Variants in PXT1 observed in about 807,000 individuals in gnomAD.
PXT1 encodes the protein peroxisomal testis enriched protein 1, also known as peroxisomal testis-specific protein 1.
In PXT1, 11 loss-of-function variants were observed where a neutral mutation model predicts 11.0. The observed-to-expected ratio is 1.00, with a 90% CI of 0.63 to 1.66. The LOEUF is 1.66. PXT1 is among the 40% of genes most tolerant of loss of function. The pLI, the probability that PXT1 is intolerant of heterozygous loss-of-function variation, is 0.00. For missense variants in PXT1, 141 were observed against 155.5 expected (o/e 0.91, Z 0.49); for synonymous variants, 43 against 51.4 (o/e 0.84, Z 0.70).
intron 2 of PXT1, among the ~76,000 whole-genome samples, chr6:36,429,918 G>T (rs1328604783): frequency 6.6e-6 from 1 of 151,748 alleles, no homozygotes; most frequent in Non-Finnish European, 1.5e-5. Context: ...AAAGCTTTTG[G>T]CCAGGCACAG....
intron 3 of PXT1, among the ~76,000 whole-genome samples, chr6:36,410,576 A>C (rs1397144834): frequency 6.6e-6 from 1 of 151,946 alleles, no homozygotes; most frequent in Non-Finnish European, 1.5e-5. Flanking sequence ...AGAAGAAAGG[A>C]AGAAATAAAA....
intron 4 of PXT1, among the ~76,000 whole-genome samples, chr6:36,394,714 T>C: frequency 1.2e-5 from 1 of 81,006 alleles, no homozygotes. Context: ...AAAAAGCATA[T>C]GTCCCGGGTT....
rs968609299 is a variant in PXT1 at position 36,421,174 on chromosome 6, CA to C, written c.169+4739del. 1.7e-4 allele frequency among the ~76,000 whole-genome samples: 25 copies of C among 150,158 alleles called. No individual in the cohort carries two copies. In the East Asian group the frequency reaches 3.3e-3, roughly 20 times the overall value. ...AATTAAAAAACAACAACAACAACGA[CA>C]AAAAAAAACCAAGGCCAGGTGTGGC... On this transcript the variant is annotated intron_variant, in intron 3 of 4. Transcript: ENST00000454782.
chr6:36,403,695 C>G (rs986500464), intron 3 of PXT1, among the ~76,000 whole-genome samples: 6 of 152,100 alleles, frequency 3.9e-5, no homozygotes, highest in Non-Finnish European at 8.8e-5. Context: ...TGGCAGAACC[C>G]CATCTCTACC....
chr6:36,398,572 A>T lies in PXT1; in HGVS notation c.300+1882T>A, dbSNP rs115195858. On this transcript the variant is annotated intron_variant, in intron 4 of 4. Coordinates refer to ENST00000454782, the MANE Select transcript of PXT1 (RefSeq NM_152990.4). ...AAGTAAAATACTGATACATGCTACAATGTGGATAAGCCTTGAAAAAAGTAT... is the reference window on the plus strand; with the variant it reads ...AAGTAAAATACTGATACATGCTACATTGTGGATAAGCCTTGAAAAAAGTAT... Among the ~76,000 whole-genome samples the T allele has an allele frequency of 8.3e-3, 1,259 of 152,324 alleles. 8 individuals are homozygous for T. Among genetic ancestry groups the T allele is most frequent in the Non-Finnish European group, 0.012 (812 of 68,016 alleles).
chr6:36,395,493 A>ATTTT lies in PXT1; in HGVS notation c.301-3623_301-3620dup, dbSNP rs148553371. Among the ~76,000 whole-genome samples, 249 of 73,348 alleles carry ATTTT rather than the reference A, an allele frequency of 3.4e-3. 28 individuals are homozygous for ATTTT. The East Asian group carries it at 0.049, about 14-fold the overall frequency. 48.1% of individuals were successfully genotyped at this position (73,348 alleles called of 152,430 possible). A position where few individuals can be genotyped will look rare whatever the true frequency, so the allele number is the denominator to read the frequency against. ...TCAGCATTTCAGAGCCAAACTTAGGATTTTTTTTTTTTTTTTTTTTTTTTT... is the reference window on the plus strand; with the variant it reads ...TCAGCATTTCAGAGCCAAACTTAGGATTTTTTTTTTTTTTTTTTTTTTTTTTTTT... On this transcript the variant is annotated intron_variant, in intron 4 of 4. Transcript: ENST00000454782.
intron 4 of PXT1, among the ~76,000 whole-genome samples, chr6:36,398,621 A>G (rs1172302338): frequency 6.6e-6 from 1 of 152,254 alleles, no homozygotes; most frequent in Non-Finnish European, 1.5e-5. Context: ...AGCCATACAC[A>G]AAGTTCCATG....
At chr6:36,425,209 G>C (rs918517061) in intron 3 of PXT1, among the ~76,000 whole-genome samples, 2 of 152,116 alleles carry the variant, frequency 1.3e-5, no homozygotes, top group Admixed American at 6.5e-5. Flanking sequence ...TTTCCTTCAT[G>C]TTCTCTCCTC....
Position 36,400,601 on chromosome 6 carries a change from G to T in PXT1, c.170-17C>A. ...GATTATGATCTGCATTGAGAAAAAA[G>T]AGTTCAAAAGAGATAATCCCACTTA... On this transcript the variant is annotated splice_polypyrimidine_tract_variant and intron_variant, in intron 3 of 4. Coordinates refer to ENST00000454782, the MANE Select transcript of PXT1 (RefSeq NM_152990.4). The T allele has an allele frequency of 6.2e-7, 1 of 1,605,760 alleles. No individual in the cohort carries two copies. Among genetic ancestry groups the T allele is most frequent in the Non-Finnish European group, 8.5e-7 (1 of 1,177,048 alleles).
chr6:36,439,667 T>TAAGC (rs1554156903), intron 1 of PXT1, among the ~76,000 whole-genome samples: 3 of 129,642 alleles, frequency 2.3e-5, no homozygotes, highest in Non-Finnish European at 4.9e-5. Flanking sequence ...AAAAAACAAC[T>TAAGC]AAGCATTCTC....
intron 3 of PXT1, among the ~76,000 whole-genome samples, chr6:36,407,164 A>G (rs1030519882): frequency 3.3e-5 from 5 of 152,202 alleles, no homozygotes; most frequent in Non-Finnish European, 5.9e-5. Flanking sequence ...CAAAAGTTCA[A>G]TGTAAAACAG....
chr6:36,420,227 T>C (rs1216412086), intron 3 of PXT1, among the ~76,000 whole-genome samples: 2 of 152,164 alleles, frequency 1.3e-5, no homozygotes, highest in African/African-American at 4.8e-5. Context: ...ATGTTTAAGG[T>C]TATCTGTTGC....
rs1582282419 is a variant in PXT1, at chr6:36,442,679, C to T, written c.-274G>A. 1 of 152,224 alleles carries T rather than the reference C, an allele frequency of 6.6e-6. No homozygotes were observed. Among genetic ancestry groups the T allele is most frequent in the Admixed American group, 6.5e-5 (1 of 15,282 alleles). The allele number at this position is 152,224 out of a possible 1,614,324, so 9.4% of individuals were successfully genotyped here. ...CTACGCTACCTCCAACCTCGCTCCA[C>T]GCATGGGGAGATCAGGGTTCCACAT... On this transcript the variant is annotated 5_prime_UTR_variant, in exon 1 of 5. The change creates a new upstream start codon in the 5' untranslated region. Coordinates refer to ENST00000454782, the MANE Select transcript of PXT1 (RefSeq NM_152990.4).
chr6:36,412,073 C>T (rs370286407), intron 3 of PXT1, among the ~76,000 whole-genome samples: 5 of 152,164 alleles, frequency 3.3e-5, no homozygotes, highest in South Asian at 2.1e-4. Context: ...AGAATGGAGC[C>T]AGGCGCGGTG....
intron 3 of PXT1, among the ~76,000 whole-genome samples, chr6:36,412,250 G>A (rs889171924): frequency 6.6e-6 from 1 of 152,022 alleles, no homozygotes; most frequent in Non-Finnish European, 1.5e-5. Context: ...TACTCGGGAA[G>A]CTGAGGCAGG....
Position 36,391,753 on chromosome 6 carries a change from T to C in PXT1, c.*17A>G, listed in dbSNP as rs1375679890. On this transcript the variant is annotated 3_prime_UTR_variant, in exon 5 of 5. Transcript: ENST00000454782. The stretch of plus-strand genomic sequence containing the variant: ...AAAAAGAAAACAGAACTTGACCACT[T>C]GACCTTTACTTTCCTTTTACAGCAA... 6.5e-7 allele frequency: 1 copy of C among 1,536,872 alleles called. No homozygotes were observed.
rs1246805877 is a variant in PXT1 at position 36,390,615 on chromosome 6, CT to C, written c.*1154del. On this transcript the variant is annotated 3_prime_UTR_variant, in exon 5 of 5. Coordinates refer to ENST00000454782, the MANE Select transcript of PXT1 (RefSeq NM_152990.4). ...AGAATTTTTTAAAATAACACTTCCC[CT>C]ATGAAGAACTCAAGATACATATGTA... 2.0e-5 allele frequency: 3 copies of C among 152,120 alleles called. No individual in the cohort carries two copies. The highest frequency in any genetic ancestry group is 2.9e-5 in the Non-Finnish European group (2 of 68,022). The allele number at this position is 152,120 out of a possible 1,614,324, so 9.4% of individuals were successfully genotyped here.
chr6:36,426,015 G>A lies in PXT1; in HGVS notation c.68C>T (p.Thr23Ile), dbSNP rs1774600658. 2 of 1,530,872 alleles carry A rather than the reference G, an allele frequency of 1.3e-6. No individual in the cohort carries two copies. Among genetic ancestry groups the A allele is most frequent in the Non-Finnish European group, 1.7e-6 (2 of 1,143,654 alleles). 94.8% of individuals were successfully genotyped at this position (1,530,872 alleles called of 1,614,324 possible). Reference sequence around the variant, plus strand: ...TAACCACAGTGATTTGCAACAATGTGTTACTTTGGGAGATGGATTGAGAAC... The same window carrying A: ...TAACCACAGTGATTTGCAACAATGTATTACTTTGGGAGATGGATTGAGAAC... ...KEVLNPSPKVTHCCKSLWLKY... is the reference protein window; with the variant it reads ...KEVLNPSPKVIHCCKSLWLKY... The change falls in exon 3 of 5, where the codon ACA becomes ATA. Residue 23 changes from threonine to isoleucine, a missense_variant. Transcript: ENST00000454782.
intron 4 of PXT1, among the ~76,000 whole-genome samples, chr6:36,392,337 C>T (rs1442599082): frequency 6.6e-6 from 1 of 152,170 alleles, no homozygotes; most frequent in Non-Finnish European, 1.5e-5. Context: ...TTTCTTAGTT[C>T]TTTCAAAGAG....
Sources: gnomAD v4.1 joint callset for allele counts (sites outside exome capture counted in the v4.1 genomes callset) on GRCh38, gnomAD v4.1.1 for gene constraint, MANE v1.5 for transcripts, NCBI Gene and HGNC (gene_info 2026-07-23, HGNC 2026-07-21) for gene names.